The following NEB variants were observed in gnomAD, a reference collection of about 807,000 sequenced individuals.
The protein encoded by NEB is nebulin.
NEB carries 512 observed loss-of-function variants against 952.2 expected under a neutral mutation model. The ratio of observed to expected loss-of-function variants is 0.54; its 90% CI spans 0.50 to 0.58. The LOEUF (loss-of-function observed/expected upper bound fraction) is 0.58, where lower values mean the gene tolerates loss of function less well. Among genes scored for constraint, NEB ranks in the 20% least tolerant of loss-of-function variants. The probability of loss-of-function intolerance (pLI) is 0.00; values close to 1 mark genes in which losing one functional copy is unlikely to be tolerated. For synonymous variants in NEB, 2,900 were observed against 3,149.8 expected (o/e 0.92, Z 2.66); for missense variants, 8,428 against 9,231.1 (o/e 0.91, Z 3.56).
rs555516831 is a variant in NEB at position 151,570,096 on chromosome 2, G to A, written c.17415C>T (p.Tyr5805=). Residue 5805 remains tyrosine (Y), a synonymous_variant, in exon 109 of 182, where the codon TAC becomes TAT. Coordinates refer to ENST00000397345, the MANE Select transcript of NEB (RefSeq NM_001164508.2). ...QNDVIQAKKA[Y]ELQSDNVYKA... is the part of the protein sequence containing the mutation. ...GCCCACTCACATCGCTCTGCAGTTC[G>A]TAGGCCTTCTTGGCCTGAATCACAT... The A allele has an allele frequency of 3.1e-5, 50 of 1,609,074 alleles. No homozygotes were observed. The highest frequency in any genetic ancestry group is 6.7e-5 in the East Asian group (3 of 44,672).
chr2:151,657,123 G>A (rs541091289), intron 48 of NEB, among the ~76,000 whole-genome samples: 10 of 152,260 alleles, frequency 6.6e-5, no homozygotes, highest in East Asian at 5.8e-4. Flanking sequence ...TTGGGGTTGC[G>A]TGTGCAAGTT....
intron 181 of NEB, among the ~76,000 whole-genome samples, chr2:151,487,405 C>G (rs2051653456): frequency 6.6e-6 from 1 of 152,172 alleles, no homozygotes; most frequent in Non-Finnish European, 1.5e-5. Flanking sequence ...TATTCAAAAT[C>G]ACATGCATAT....
At chr2:151,557,955 G>A (rs2095776315) in intron 124 of NEB, among the ~76,000 whole-genome samples, 3 of 152,174 alleles carry the variant, frequency 2.0e-5, no homozygotes, top group African/African-American at 7.2e-5. Context: ...TTGAAAACTG[G>A]CACAAGACAG....
At chr2:151,524,643 C>T (rs2084284381) in intron 151 of NEB, 27 bp from the exon 152 acceptor site, 11 of 527,362 alleles carry the variant, frequency 2.1e-5, no homozygotes, top group Middle Eastern at 8.6e-4. Flanking sequence ...AATGTTTACT[C>T]AAGAGAGAGG....
At position 151,709,677 on chromosome 2, in the gene NEB, T is replaced by C; in HGVS notation, c.1014A>G (p.Lys338=). ...ATACCTTGCTAGCTGCCACACCAGC[T>C]TTTTTATTCATTTTATACTCTGGTG... is the stretch of plus-strand genomic sequence containing the variant. ...TETPEYKMNK[K]AGVAASKVKY... is the part of the protein sequence containing the mutation. The change falls in exon 12 of 182, where the codon AAA becomes AAG. Residue 338 remains lysine, a synonymous_variant. Coordinates refer to ENST00000397345, the MANE Select transcript of NEB (RefSeq NM_001164508.2). The C allele has an allele frequency of 6.3e-7, 1 of 1,599,472 alleles. No homozygotes were observed. The highest frequency in any genetic ancestry group is 1.1e-5 in the South Asian group (1 of 88,476).
intron 133 of NEB, 42 bp from the exon 134 acceptor site, chr2:151,546,485 G>GT: frequency 7.6e-7 from 1 of 1,310,046 alleles, no homozygotes; most frequent in Non-Finnish European, 1.1e-6. Context: ...ATAAGCAAAT[G>GT]TAAGTCAGGA....
At chr2:151,618,149 G>C in intron 74 of NEB, 126 bp downstream of exon 74, 1 of 838,526 alleles carries the variant, frequency 1.2e-6, no homozygotes, top group Non-Finnish European at 2.0e-6. Context: ...TGGTATTATA[G>C]TGGAAAAATC....
In NEB at chr2:151,677,611, G is replaced by T. The variant is rs778686381; in HGVS notation, c.3728C>A (p.Ser1243Tyr). Residue 1243 changes from serine (S) to tyrosine (Y), a missense_variant, in exon 34 of 182, where the codon TCC becomes TAC. Around this residue, in one of 11 missense-constraint regions of NEB, gnomAD observed 2,851 missense variants for 2,791.5 expected, o/e 1.02. Transcript: ENST00000397345. The stretch of plus-strand genomic sequence containing the variant: ...CTGTTTTGCCTGGACCATAACTGGG[G>T]AGTCCACAATGCTGGTAAATTTGAG... ...DTLKFTSIVD[S>Y]PVMVQAKQNT... The T allele has an allele frequency of 6.2e-7, 1 of 1,613,830 alleles. No homozygotes were observed. The highest frequency in any genetic ancestry group is 2.2e-5 in the East Asian group (1 of 44,896).
intron 145 of NEB, 145 bp downstream of exon 145, chr2:151,530,849 A>C: frequency 1.7e-6 from 1 of 595,310 alleles, no homozygotes; most frequent in Non-Finnish European, 3.0e-6. Context: ...TTACCGAATC[A>C]TGAGCAAAAG....
intron 52 of NEB, 119 bp downstream of exon 52, chr2:151,653,873 G>A (rs1372969269): frequency 1.6e-6 from 1 of 620,390 alleles, no homozygotes; most frequent in Admixed American, 2.9e-5. Flanking sequence ...GAGGGTAGGA[G>A]AAAATGAAGG....
At chr2:151,637,906 G>A (rs954366572) in intron 63 of NEB, among the ~76,000 whole-genome samples, 2 of 152,108 alleles carry the variant, frequency 1.3e-5, no homozygotes, top group Non-Finnish European at 2.9e-5. Flanking sequence ...TAAGATGGTG[G>A]CAATTCCATC....
chr2:151,611,783 T>C (rs893620004), intron 78 of NEB, among the ~76,000 whole-genome samples: 1 of 152,242 alleles, frequency 6.6e-6, no homozygotes, highest in Admixed American at 6.5e-5. Flanking sequence ...AGCATTGCTA[T>C]GAAACACTAT....
At chr2:151,656,051 T>C in intron 49 of NEB, 28 bp from the exon 50 acceptor site, 1 of 1,605,802 alleles carries the variant, frequency 6.2e-7, no homozygotes, top group Non-Finnish European at 8.5e-7. Context: ...AAATTCTACT[T>C]TATCTTATCC....
At position 151,630,752 on chromosome 2, in the gene NEB, A is replaced by G. The variant is rs1212718439; in HGVS notation, c.9686T>C (p.Ile3229Thr). The change falls in exon 67 of 182, where the codon ATT (isoleucine) becomes ACT (threonine). Residue 3229 changes from isoleucine (I) to threonine (T), a missense_variant. Ile to Thr is a moderately conservative substitution (Grantham distance 89). This residue lies in a region of NEB where 1,772 missense variants were observed against 1,960.3 expected (regional missense o/e 0.90). Coordinates refer to ENST00000397345, the MANE Select transcript of NEB (RefSeq NM_001164508.2). ...GATTTTGTTCTGCCTTGCCAACATA[A>G]TCTCTGGTGTATCAGGCATTATGTG... ...QIHIMPDTPE[I>T]MLARQNKINY... 2 of 1,611,338 alleles carry G rather than the reference A, an allele frequency of 1.2e-6. No homozygotes were observed. Among genetic ancestry groups the G allele is most frequent in the Admixed American group, 1.7e-5 (1 of 59,738 alleles).
At chr2:151,492,365 T>A in intron 177 of NEB, 22 bp downstream of exon 177, 1 of 1,592,946 alleles carries the variant, frequency 6.3e-7, no homozygotes, top group Non-Finnish European at 8.6e-7. Context: ...AGCCAGCCAA[T>A]CCTAAAGAAT....
chr2:151,717,644 T>C (rs2099762707), intron 9 of NEB, 124 bp from the exon 10 acceptor site: 3 of 716,810 alleles, frequency 4.2e-6, no homozygotes, highest in Non-Finnish European at 7.2e-6. Flanking sequence ...TTGCTCTCAG[T>C]ACTGCTAGTG....
chr2:151,568,412 T>C lies in NEB; in HGVS notation c.17640A>G (p.Lys5880=). 1 of 1,555,270 alleles carries C rather than the reference T, an allele frequency of 6.4e-7. No individual in the cohort carries two copies. The highest frequency in any genetic ancestry group is 8.7e-7 in the Non-Finnish European group (1 of 1,154,128). Residue 5880 remains lysine (K), a synonymous_variant, in exon 112 of 182, where the codon AAA becomes AAG. Coordinates refer to ENST00000397345, the MANE Select transcript of NEB (RefSeq NM_001164508.2). ...KQSGEILDDI[K]YRKDWNATKS... ...TGGTGGCATTCCAGTCTTTCCGGTA[T>C]TTAATCTAAAAAAAAAAAAATGAGA...
At chr2:151,716,074 T>C (rs1315729167) in intron 10 of NEB, 1 of 402,242 alleles carries the variant, frequency 2.5e-6, no homozygotes, top group South Asian at 1.9e-5. Flanking sequence ...TTATTTTTCT[T>C]CCAAAAAGAT....
In NEB at chr2:151,514,449, A is replaced by G. The variant is rs150471104; in HGVS notation, c.23017-21T>C. On this transcript the variant is annotated intron_variant, in intron 158 of 181. Transcript: ENST00000397345. ...TCTTTCTATATCATGAAAGAAAAGC[A>G]ACAACATTGACAAGAAAGCCCAGAT... 12,019 of 1,534,584 alleles carry G rather than the reference A, an allele frequency of 7.8e-3. 72 individuals are homozygous for G. The highest frequency in any genetic ancestry group is 8.7e-3 in the Non-Finnish European group (9,607 of 1,108,120).
Sources: allele counts gnomAD v4.1 joint callset (sites outside exome capture counted in the v4.1 genomes callset), GRCh38; gene constraint gnomAD v4.1.1; regional missense constraint gnomAD v4.1.1; transcripts MANE v1.5; gene names NCBI Gene and HGNC (gene_info 2026-07-23, HGNC 2026-07-21).